SUGCT: variants seen among roughly 807,000 people sequenced by gnomAD.
SUGCT encodes the protein succinyl-CoA:glutarate CoA-transferase.
In SUGCT, 41 loss-of-function variants were observed where a neutral mutation model predicts 55.0. That is an observed-to-expected ratio of 0.74 (90% CI 0.58 to 0.97). The LOEUF (loss-of-function observed/expected upper bound fraction) is 0.97, where lower values mean the gene tolerates loss of function less well. SUGCT is among the 50% of genes least tolerant of loss of function. SUGCT has a pLI of 0.00. For missense variants in SUGCT, 568 were observed against 547.8 expected (o/e 1.04, Z -0.37); for synonymous variants, 187 against 200.4 (o/e 0.93, Z 0.56).
the SUGCT span, among the ~76,000 whole-genome samples, chr7:40,946,596 G>A: frequency 6.6e-6 from 1 of 152,106 alleles, no homozygotes; most frequent in Non-Finnish European, 1.5e-5. Context: ...ATTCTAAAGG[G>A]CTTTTTAAAG....
At chr7:40,336,935 T>G (rs917416642) in intron 9 of SUGCT, among the ~76,000 whole-genome samples, 3 of 152,202 alleles carry the variant, frequency 2.0e-5, no homozygotes, top group African/African-American at 4.8e-5. Context: ...TCCCAGAGAT[T>G]CTGGTATGTT....
At chr7:40,157,385 A>G (rs1393507398) in intron 1 of SUGCT, among the ~76,000 whole-genome samples, 2 of 152,200 alleles carry the variant, frequency 1.3e-5, no homozygotes, top group African/African-American at 4.8e-5. Context: ...CCTGTGGTTC[A>G]ACCCTTACCT....
At chr7:40,463,355 A>T (rs193284730) in intron 11 of SUGCT, among the ~76,000 whole-genome samples, 1 of 152,278 alleles carries the variant, frequency 6.6e-6, no homozygotes, top group African/African-American at 2.4e-5. Flanking sequence ...GCATTTATGG[A>T]TTTTTACAAA....
At chr7:40,745,423 CT>C (rs767490769) in intron 12 of SUGCT, among the ~76,000 whole-genome samples, 8 of 152,066 alleles carry the variant, frequency 5.3e-5, no homozygotes, top group Non-Finnish European at 8.8e-5. Flanking sequence ...CTTACTTTCA[CT>C]TAAACTTTTA....
intron 9 of SUGCT, among the ~76,000 whole-genome samples, chr7:40,404,299 A>G (rs1445315245): frequency 2.0e-4 from 31 of 152,192 alleles, no homozygotes; most frequent in Non-Finnish European, 1.5e-5. Context: ...TAAGCAAAAG[A>G]TGGAAGATGA....
rs188531832 is a variant in SUGCT, at chr7:40,588,330, C to T, written c.1089+91944C>T. The stretch of plus-strand genomic sequence containing the variant: ...ATGTGCCATGCTGGTGCGCTGCATG[C>T]GAAATAAACTTCCTGAAGGTCTTAT... On this transcript the variant is annotated intron_variant, in intron 12 of 13. Coordinates refer to ENST00000335693, the MANE Select transcript of SUGCT (RefSeq NM_001193313.2). Among the ~76,000 whole-genome samples the T allele has an allele frequency of 3.3e-5, 5 of 151,758 alleles. No homozygotes were observed. In the East Asian group the frequency reaches 7.8e-4, roughly 24 times the overall value.
At chr7:40,969,601 T>G in the SUGCT span, among the ~76,000 whole-genome samples, 1 of 152,186 alleles carries the variant, frequency 6.6e-6, no homozygotes, top group Non-Finnish European at 1.5e-5. Context: ...AAGCCATTCT[T>G]CCACCCCAGC....
chr7:40,522,260 A>G (rs1461807236), intron 12 of SUGCT, among the ~76,000 whole-genome samples: 2 of 152,134 alleles, frequency 1.3e-5, no homozygotes, highest in Admixed American at 6.6e-5. Flanking sequence ...AATTAATTTC[A>G]AAATGTACTG....
intron 1 of SUGCT, among the ~76,000 whole-genome samples, chr7:40,150,732 T>G (rs891499415): frequency 1.3e-5 from 2 of 151,904 alleles, no homozygotes; most frequent in African/African-American, 4.9e-5. Context: ...GGAGACTGAT[T>G]TGAGTAATAA....
intron 1 of SUGCT, among the ~76,000 whole-genome samples, chr7:40,136,166 T>C (rs1455797175): frequency 6.6e-6 from 1 of 151,922 alleles, no homozygotes; most frequent in African/African-American, 2.4e-5. Context: ...CCGGCTAATT[T>C]TTTTGTATTT....
At chr7:40,414,857 A>G (rs1786882675) in intron 9 of SUGCT, among the ~76,000 whole-genome samples, 1 of 152,086 alleles carries the variant, frequency 6.6e-6, no homozygotes, top group Non-Finnish European at 1.5e-5. Flanking sequence ...AGCCTGGCCA[A>G]CATGGTGAAA....
chr7:40,927,289 T>C, the SUGCT span, among the ~76,000 whole-genome samples: 1 of 152,212 alleles, frequency 6.6e-6, no homozygotes, highest in Non-Finnish European at 1.5e-5. Context: ...TGTCTTAATC[T>C]TTTGGTGAAA....
At chr7:40,918,443 A>G in the SUGCT span, among the ~76,000 whole-genome samples, 1 of 142,936 alleles carries the variant, frequency 7.0e-6, no homozygotes, top group Non-Finnish European at 1.5e-5. Context: ...TCTGGGCGAC[A>G]GAGCGAGACT....
At chr7:40,425,715 A>G (rs113442524) in intron 9 of SUGCT, among the ~76,000 whole-genome samples, 3 of 152,236 alleles carry the variant, frequency 2.0e-5, no homozygotes, top group African/African-American at 7.2e-5. Context: ...ACCTAGATGG[A>G]GCCATACGCC....
intron 9 of SUGCT, among the ~76,000 whole-genome samples, chr7:40,441,529 A>T (rs115873512): frequency 2.6e-3 from 394 of 152,314 alleles, no homozygotes; most frequent in Middle Eastern, 0.017. Flanking sequence ...TTTGAAAAAG[A>T]TATTTTGTGT....
rs576436888 is a variant in SUGCT, at chr7:40,678,738, A to G, written c.1090-70696A>G. 4.5e-3 allele frequency among the ~76,000 whole-genome samples: 693 copies of G among 152,340 alleles called. 6 individuals carry two copies. Among genetic ancestry groups the G allele is most frequent in the Non-Finnish European group, 7.6e-3 (519 of 68,028 alleles). On this transcript the variant is annotated intron_variant, in intron 12 of 13. Transcript: ENST00000335693. ...GGCAAGGAACTGTAACATTTTGAAT[A>G]CAGTTTTGTGCTTTAGGGCAGATAT...
At chr7:40,636,876 A>G (rs892339106) in intron 12 of SUGCT, among the ~76,000 whole-genome samples, 1 of 152,198 alleles carries the variant, frequency 6.6e-6, no homozygotes, top group African/African-American at 2.4e-5. Flanking sequence ...TTTTGGATAC[A>G]TGTATGTCCC....
chr7:40,819,061 G>A (rs943771967), intron 13 of SUGCT, among the ~76,000 whole-genome samples: 1 of 151,744 alleles, frequency 6.6e-6, no homozygotes, highest in Non-Finnish European at 1.5e-5. Flanking sequence ...TTCCAGCTTC[G>A]TCCATGTCCC....
intron 12 of SUGCT, among the ~76,000 whole-genome samples, chr7:40,726,509 C>T (rs777549376): frequency 2.0e-5 from 3 of 152,010 alleles, no homozygotes; most frequent in South Asian, 2.1e-4. Context: ...TAAGTGGATC[C>T]GTGCAGTTCA....
Sources: gnomAD v4.1 joint callset for allele counts (sites outside exome capture counted in the v4.1 genomes callset) on GRCh38, gnomAD v4.1.1 for gene constraint, MANE v1.5 for transcripts, NCBI Gene and HGNC (gene_info 2026-07-23, HGNC 2026-07-21) for gene names.